Variants in PI4K2A observed in about 807,000 individuals in gnomAD.
PI4K2A encodes the protein phosphatidylinositol 4-kinase type 2-alpha.
A neutral mutation model predicts 55.0 loss-of-function variants in PI4K2A; 20 were observed. The ratio of observed to expected loss-of-function variants is 0.36; its 90% CI spans 0.26 to 0.53. The LOEUF (loss-of-function observed/expected upper bound fraction) is 0.53, where lower values mean the gene tolerates loss of function less well. Among genes scored for constraint, PI4K2A ranks in the 20% least tolerant of loss-of-function variants. The pLI, the probability that PI4K2A is intolerant of heterozygous loss-of-function variation, is 0.91. For missense variants in PI4K2A, 463 were observed against 637.1 expected (o/e 0.73, Z 2.94); for synonymous variants, 235 against 258.5 (o/e 0.91, Z 0.87).
At chr10:97,647,959 G>A (rs961460510) in intron 1 of PI4K2A, among the ~76,000 whole-genome samples, 1 of 151,478 alleles carries the variant, frequency 6.6e-6, no homozygotes, top group African/African-American at 2.4e-5. Flanking sequence ...TTTAGAGATG[G>A]GGTCTTGCTC....
intron 8 of PI4K2A, among the ~76,000 whole-genome samples, chr10:97,672,347 C>A (rs1469824328): frequency 6.6e-6 from 1 of 152,032 alleles, no homozygotes; most frequent in Non-Finnish European, 1.5e-5. Flanking sequence ...GGACCAAAAC[C>A]ACCTATAATT....
chr10:97,666,973 C>T (rs1589938113), intron 7 of PI4K2A, 88 bp from the exon 8 acceptor site: 1 of 1,014,752 alleles, frequency 9.9e-7, no homozygotes, highest in South Asian at 1.4e-5. Context: ...GCAGGTTTTC[C>T]TTCTTAGAAA....
rs2041557120 is a variant in PI4K2A, at chr10:97,656,829, A to T, written c.777A>T (p.Ser259=). The T allele has an allele frequency of 6.2e-7, 1 of 1,614,066 alleles. No individual in the cohort carries two copies. The highest frequency in any genetic ancestry group is 1.3e-5 in the African/African-American group (1 of 74,930). ...CTTCCTCTTGGTTCCAGGTTGGTTC[A>T]TTCCAGCTCTTTGTTGAAGGCTACA... Residue 259 remains serine (S), a synonymous_variant, in exon 4 of 9, where the codon TCA becomes TCT. Coordinates refer to ENST00000370631, the Ensembl canonical transcript of PI4K2A. This position sits in a 1 kb window ranked among gnomAD's most constrained non-coding sequence, Gnocchi z 4.5.
chr10:97,666,042 G>A (rs1296117534), intron 6 of PI4K2A, among the ~76,000 whole-genome samples: 1 of 151,252 alleles, frequency 6.6e-6, no homozygotes, highest in Non-Finnish European at 1.5e-5. Context: ...TGTCTTCCTT[G>A]TTCCATCTCC....
chr10:97,660,002 C>CTTT (rs1206693622), intron 4 of PI4K2A, among the ~76,000 whole-genome samples: 12 of 137,850 alleles, frequency 8.7e-5, no homozygotes, highest in South Asian at 4.6e-4. Context: ...TCTTTCTTTT[C>CTTT]TTTTTTTTTT....
chr10:97,671,458 GA>G (rs201973067), intron 8 of PI4K2A, among the ~76,000 whole-genome samples: 4,241 of 140,120 alleles, frequency 0.03, 177 homozygotes, highest in East Asian at 0.16. Context: ...TCTCAGAAAA[GA>G]AAAAAAAAAA....
chr10:97,642,880 TCTTTCTTCCTTCCTTC>T (rs2041483369), intron 1 of PI4K2A, among the ~76,000 whole-genome samples: 1 of 116,060 alleles, frequency 8.6e-6, no homozygotes. Context: ...TTTCTTTCTT[TCTTTCTTCCTTCCTTC>T]CTTCCTTCCT....
intron 8 of PI4K2A, among the ~76,000 whole-genome samples, chr10:97,671,149 A>AG (rs1006885971): frequency 3.3e-5 from 5 of 151,678 alleles, no homozygotes; most frequent in East Asian, 3.9e-4. Context: ...GAAAAAAAAA[A>AG]AGAGAGAGAG....
exon 9 of PI4K2A, chr10:97,673,919 T>A: frequency 1.7e-6 from 1 of 601,498 alleles, no homozygotes; most frequent in Non-Finnish European, 2.9e-6. Context: ...TCAGGAACAG[T>A]GAGTGCTCCT....
At chr10:97,640,712 G>A in exon 1 of PI4K2A, 1 of 1,430,592 alleles carries the variant, frequency 7.0e-7, no homozygotes, top group Non-Finnish European at 9.2e-7. Flanking sequence ...GGTGTGGAGC[G>A]CGCCGGGTCC....
chr10:97,653,979 T>C (rs554711459), intron 2 of PI4K2A, among the ~76,000 whole-genome samples: 11 of 152,206 alleles, frequency 7.2e-5, no homozygotes, highest in Non-Finnish European at 1.3e-4. Flanking sequence ...AAGCTTAACA[T>C]ATAGCTGCTG....
intron 1 of PI4K2A, among the ~76,000 whole-genome samples, chr10:97,641,887 G>A (rs2041471752): frequency 6.6e-6 from 1 of 152,116 alleles, no homozygotes; most frequent in Non-Finnish European, 1.5e-5. Context: ...TTTCAACTAA[G>A]GCAGAGCGTT....
In PI4K2A at chr10:97,656,916, G is replaced by T. The variant is rs199738414; in HGVS notation, c.864G>T (p.Arg288=). Residue 288 remains arginine, a synonymous_variant, in exon 4 of 9, where the codon CGG becomes CGT. Transcript: ENST00000370631. This position sits in a 1 kb window ranked among gnomAD's most constrained non-coding sequence, Gnocchi z 4.5. ...AACCTCTTCCTGAGAACACTAACCG[G>T]CAACTACTGCTCCAGTTTGAGCGGT... 1.1e-4 allele frequency: 175 copies of T among 1,614,008 alleles called. No homozygotes were observed. The highest frequency in any genetic ancestry group is 1.3e-4 in the Non-Finnish European group (156 of 1,180,002).
At chr10:97,673,517 C>T in intron 8 of PI4K2A, 64 bp from the exon 9 acceptor site, 3 of 1,441,518 alleles carry the variant, frequency 2.1e-6, no homozygotes, top group Middle Eastern at 1.8e-4. Flanking sequence ...TACTGATCTC[C>T]TTTCAGAGGC....
chr10:97,646,196 A>C (rs1180174011), intron 1 of PI4K2A, among the ~76,000 whole-genome samples: 1 of 151,070 alleles, frequency 6.6e-6, no homozygotes, highest in Non-Finnish European at 1.5e-5. Context: ...CACATTAACA[A>C]ATGCTTTTTG....
intron 4 of PI4K2A, among the ~76,000 whole-genome samples, chr10:97,657,976 C>T (rs1023958737): frequency 4.6e-5 from 7 of 152,204 alleles, no homozygotes; most frequent in Non-Finnish European, 8.8e-5. Flanking sequence ...GCTGGGATTA[C>T]AGACACCCGC....
rs2041614606 is a variant in PI4K2A at position 97,667,260 on chromosome 10, A to C, written c.1278+140A>C. On this transcript the variant is annotated intron_variant, in intron 8 of 8. Coordinates refer to ENST00000370631, the Ensembl canonical transcript of PI4K2A. The stretch of plus-strand genomic sequence containing the variant: ...AGTCTCACTCTGTCACCCAGGCTAA[A>C]GTGCAGTGGCATGATCTCTGCTCAC... 9 of 619,546 alleles carry C rather than the reference A, an allele frequency of 1.5e-5. No homozygotes were observed. The South Asian group carries it at 1.8e-4, about 13-fold the overall frequency. 38.4% of individuals were successfully genotyped at this position (619,546 alleles called of 1,614,324 possible).
At chr10:97,658,686 A>G (rs191015274) in intron 4 of PI4K2A, among the ~76,000 whole-genome samples, 78 of 152,256 alleles carry the variant, frequency 5.1e-4, no homozygotes, top group Middle Eastern at 6.8e-3. Flanking sequence ...CCAATTTCTC[A>G]CCAGCACTTA....
chr10:97,644,288 T>TC (rs2041493580), intron 1 of PI4K2A, among the ~76,000 whole-genome samples: 1 of 151,826 alleles, frequency 6.6e-6, no homozygotes, highest in African/African-American at 2.4e-5. Flanking sequence ...GAGGTGGAGG[T>TC]TGCAGTGAGC....
Sources: allele counts gnomAD v4.1 joint callset (sites outside exome capture counted in the v4.1 genomes callset), GRCh38; gene constraint gnomAD v4.1.1; non-coding constraint Gnocchi (gnomAD v3.1); transcripts MANE v1.5; gene names NCBI Gene and HGNC (gene_info 2026-07-23, HGNC 2026-07-21).